Variants in AGAP1 observed in about 807,000 individuals in gnomAD.
AGAP1 encodes the protein arf-GAP with GTPase, ANK repeat and PH domain-containing protein 1.
Under a neutral mutation model 105.3 loss-of-function variants are expected in AGAP1, and 29 were observed. The observed-to-expected ratio is 0.28, with a 90% CI of 0.21 to 0.38. The LOEUF is 0.38. Among genes scored for constraint, AGAP1 ranks in the 10% least tolerant of loss-of-function variants. The pLI is 1.00. For missense variants in AGAP1, 998 were observed against 1,165.1 expected (o/e 0.86, Z 2.09); for synonymous variants, 509 against 485.9 (o/e 1.05, Z -0.63).
rs1310661813 is a variant in AGAP1 at position 235,664,473 on chromosome 2, C to T, written c.164-44706C>T. ...TCTCAGGTGATCCACCTGCCTTGGC[C>T]TCCCAAAGTGCTGGGATTACAAGCA... On this transcript the variant is annotated intron_variant, in intron 1 of 17. Coordinates refer to ENST00000304032, the MANE Select transcript of AGAP1 (RefSeq NM_001037131.3). This position sits in a 1 kb window ranked among gnomAD's most constrained non-coding sequence, Gnocchi z 5.7. Among the ~76,000 whole-genome samples, 1 of 152,170 alleles carries T rather than the reference C, an allele frequency of 6.6e-6. No individual in the cohort carries two copies.
chr2:236,090,849 C>G lies in AGAP1; in HGVS notation c.2115-29343C>G, dbSNP rs1341810883. On this transcript the variant is annotated intron_variant, in intron 16 of 17. Transcript: ENST00000304032. This position sits in a 1 kb window ranked among gnomAD's most constrained non-coding sequence, Gnocchi z 4.3. The stretch of plus-strand genomic sequence containing the variant: ...CCGCCTCCCAGGTTCAAGCGATTCT[C>G]ATGCCTCAGCCTCCTGAGTAGCTGG... Among the ~76,000 whole-genome samples, 2 of 152,248 alleles carry G rather than the reference C, an allele frequency of 1.3e-5. No individual in the cohort carries two copies. The highest frequency in any genetic ancestry group is 4.8e-5 in the African/African-American group (2 of 41,470).
At chr2:235,892,477 A>T (rs770145112) in intron 10 of AGAP1, among the ~76,000 whole-genome samples, 20 of 152,118 alleles carry the variant, frequency 1.3e-4, no homozygotes, top group Non-Finnish European at 2.8e-4. Context: ...GAAAGTTTCT[A>T]GTTTCAAAAT....
At chr2:235,579,526 A>G (rs757887989) in intron 1 of AGAP1, among the ~76,000 whole-genome samples, 1 of 152,194 alleles carries the variant, frequency 6.6e-6, no homozygotes, top group Non-Finnish European at 1.5e-5. Flanking sequence ...CTGTAATCCC[A>G]GCACTTTGGG....
intron 2 of AGAP1, among the ~76,000 whole-genome samples, chr2:235,717,125 A>G (rs1441895477): frequency 6.6e-6 from 1 of 151,488 alleles, no homozygotes; most frequent in Non-Finnish European, 1.5e-5. Context: ...CTCATCCCCT[A>G]AAGATGCTAC....
intron 1 of AGAP1, among the ~76,000 whole-genome samples, chr2:235,644,183 T>C (rs1947296139): frequency 6.6e-6 from 1 of 152,176 alleles, no homozygotes; most frequent in African/African-American, 2.4e-5. Flanking sequence ...GGTTGGGAAG[T>C]ACTGGATGGA....
At chr2:235,628,986 A>G (rs1027511417) in intron 1 of AGAP1, among the ~76,000 whole-genome samples, 2 of 151,784 alleles carry the variant, frequency 1.3e-5, no homozygotes, top group African/African-American at 4.8e-5. Context: ...TAATTTTTGT[A>G]TTTTTAGTAG....
rs2060000183 is a variant in AGAP1, at chr2:236,126,059, G to A, written c.*1937G>A. ...TTTAAAAAAAATTAAAGTAGGTGGG[G>A]AAAAAAATAAAGCTTTACACAGAAT... On this transcript the variant is annotated 3_prime_UTR_variant, in exon 18 of 18. Transcript: ENST00000304032. 1 of 151,988 alleles carries A rather than the reference G, an allele frequency of 6.6e-6. No individual in the cohort carries two copies. The highest frequency in any genetic ancestry group is 1.5e-5 in the Non-Finnish European group (1 of 68,004). The allele number at this position is 151,988 out of a possible 1,614,324, so 9.4% of individuals were successfully genotyped here. A position where few individuals can be genotyped will look rare whatever the true frequency, so the allele number is the denominator to read the frequency against.
intron 9 of AGAP1, 65 bp downstream of exon 9, chr2:235,807,396 G>T: frequency 6.9e-7 from 1 of 1,444,652 alleles, no homozygotes; most frequent in South Asian, 1.3e-5. Context: ...TCCTGGAGAT[G>T]ATGCTGGCTC....
chr2:235,910,881 C>CTG (rs2051574217), intron 11 of AGAP1, among the ~76,000 whole-genome samples: 1 of 141,128 alleles, frequency 7.1e-6, no homozygotes, highest in African/African-American at 2.7e-5. Context: ...CACCACTGCA[C>CTG]TCCAGCCTGC....
At chr2:235,873,101 A>G (rs1480330230) in intron 9 of AGAP1, among the ~76,000 whole-genome samples, 1 of 152,224 alleles carries the variant, frequency 6.6e-6, no homozygotes, top group Non-Finnish European at 1.5e-5. Flanking sequence ...GTGCTTATGC[A>G]GAGACTGCGG....
chr2:236,022,123 T>C (rs1001322517), intron 13 of AGAP1, among the ~76,000 whole-genome samples: 3 of 150,252 alleles, frequency 2.0e-5, no homozygotes, highest in African/African-American at 7.4e-5. Context: ...AGCTTTCAAA[T>C]GGAGTTTCTT....
intron 1 of AGAP1, among the ~76,000 whole-genome samples, chr2:235,592,683 T>C (rs1945388285): frequency 6.6e-6 from 1 of 152,140 alleles, no homozygotes; most frequent in Non-Finnish European, 1.5e-5. Context: ...TCAGTACTGC[T>C]GGATGTCGCA....
intron 1 of AGAP1, among the ~76,000 whole-genome samples, chr2:235,686,620 GATATATAT>G (rs1194270184): frequency 1.0e-4 from 6 of 57,242 alleles, no homozygotes; most frequent in African/African-American, 2.6e-4. Context: ...TGGAGATATA[GATATATAT>G]ATATATATAT....
intron 11 of AGAP1, among the ~76,000 whole-genome samples, chr2:235,929,858 A>T (rs898196053): frequency 1.2e-4 from 19 of 152,266 alleles, no homozygotes; most frequent in African/African-American, 4.6e-4. Context: ...CGTATTTATT[A>T]TAAAATCCTG....
chr2:235,954,180 G>A (rs994603307), intron 12 of AGAP1, among the ~76,000 whole-genome samples: 10 of 151,964 alleles, frequency 6.6e-5, no homozygotes, highest in South Asian at 2.1e-4. Context: ...CAGAAGTTGC[G>A]GTGAGCCGAG....
chr2:235,827,250 T>TC (rs1378847722), intron 9 of AGAP1, among the ~76,000 whole-genome samples: 1 of 152,224 alleles, frequency 6.6e-6, no homozygotes, highest in Non-Finnish European at 1.5e-5. Flanking sequence ...GCTGTTTTTC[T>TC]CCAAGTGTTT....
chr2:235,740,762 G>A lies in AGAP1; in HGVS notation c.311-201G>A, dbSNP rs750640109. On this transcript the variant is annotated intron_variant, in intron 3 of 17. Transcript: ENST00000304032. This position sits in a 1 kb window ranked among gnomAD's most constrained non-coding sequence, Gnocchi z 5.7. ...GAAGCTGTGCCTTCCAACTGGAAAC[G>A]CACAGGGGTTCTTAAAGACAAACAT... Among the ~76,000 whole-genome samples, 12 of 152,238 alleles carry A rather than the reference G, an allele frequency of 7.9e-5. No homozygotes were observed. The highest frequency in any genetic ancestry group is 2.7e-4 in the African/African-American group (11 of 41,462).
intron 1 of AGAP1, among the ~76,000 whole-genome samples, chr2:235,656,577 G>C (rs1473694175): frequency 6.6e-6 from 1 of 151,968 alleles, no homozygotes; most frequent in Admixed American, 6.6e-5. Flanking sequence ...ACCACTCACC[G>C]GGTCACTCTC....
chr2:235,653,844 G>T (rs1385311549), intron 1 of AGAP1, among the ~76,000 whole-genome samples: 1 of 152,162 alleles, frequency 6.6e-6, no homozygotes, highest in East Asian at 1.9e-4. Flanking sequence ...ATTATTTGAG[G>T]TCGGGAGTTC....
Sources: allele counts gnomAD v4.1 joint callset (sites outside exome capture counted in the v4.1 genomes callset), GRCh38; gene constraint gnomAD v4.1.1; non-coding constraint Gnocchi (gnomAD v3.1); transcripts MANE v1.5; gene names NCBI Gene and HGNC (gene_info 2026-07-23, HGNC 2026-07-21).